The following TRPM3 variants were observed in gnomAD, a reference collection of about 807,000 sequenced individuals.
TRPM3 encodes the protein transient receptor potential cation channel subfamily M member 3, also known as long transient receptor potential channel 3.
In TRPM3, 77 loss-of-function variants were observed where a neutral mutation model predicts 181.2. That is an observed-to-expected ratio of 0.42 (90% CI 0.35 to 0.51). The LOEUF (loss-of-function observed/expected upper bound fraction) is 0.51, where lower values mean the gene tolerates loss of function less well. Ranked by LOEUF, TRPM3 falls within the 20% of genes least tolerant of loss-of-function variation. The pLI, the probability that TRPM3 is intolerant of heterozygous loss-of-function variation, is 0.01. For synonymous variants in TRPM3, 745 were observed against 796.4 expected (o/e 0.94, Z 1.09); for missense variants, 1,759 against 2,196.7 (o/e 0.80, Z 3.98).
chr9:71,257,830 T>G (rs765284502), intron 1 of TRPM3, among the ~76,000 whole-genome samples: 1 of 152,214 alleles, frequency 6.6e-6, no homozygotes, highest in Non-Finnish European at 1.5e-5. Context: ...CCATTATAGC[T>G]GATATTTTGA....
chr9:70,743,872 T>G (rs2074622381), intron 8 of TRPM3, among the ~76,000 whole-genome samples: 1 of 152,182 alleles, frequency 6.6e-6, no homozygotes. Context: ...TTGATTGTAT[T>G]ACTTTCATTA....
chr9:70,653,250 C>G (rs1343116106), intron 9 of TRPM3, among the ~76,000 whole-genome samples: 1 of 151,958 alleles, frequency 6.6e-6, no homozygotes, highest in Non-Finnish European at 1.5e-5. Context: ...TTGGCTGAGG[C>G]TGAATGTTAT....
intron 1 of TRPM3, among the ~76,000 whole-genome samples, chr9:70,952,076 C>T (rs1386254293): frequency 6.6e-6 from 1 of 152,204 alleles, no homozygotes; most frequent in Non-Finnish European, 1.5e-5. Context: ...AAGCACCATT[C>T]TCCTAACCAT....
At chr9:71,246,168 A>G (rs1429984572) in intron 1 of TRPM3, among the ~76,000 whole-genome samples, 1 of 152,228 alleles carries the variant, frequency 6.6e-6, no homozygotes, top group African/African-American at 2.4e-5. Flanking sequence ...AATGGGTACA[A>G]AAGCAATTCA....
At chr9:70,570,580 T>A (rs1159838554) in intron 22 of TRPM3, among the ~76,000 whole-genome samples, 1 of 152,176 alleles carries the variant, frequency 6.6e-6, no homozygotes, top group Admixed American at 6.5e-5. Context: ...AGGATTATGC[T>A]GGGATTACAG....
At chr9:70,753,231 A>G (rs575397894) in intron 8 of TRPM3, among the ~76,000 whole-genome samples, 2 of 151,542 alleles carry the variant, frequency 1.3e-5, no homozygotes, top group Admixed American at 6.6e-5. Context: ...GAGAATTTCT[A>G]TTTATCAAAG....
intron 1 of TRPM3, among the ~76,000 whole-genome samples, chr9:70,998,049 G>A (rs895855045): frequency 6.6e-6 from 1 of 151,360 alleles, no homozygotes; most frequent in Non-Finnish European, 1.5e-5. Flanking sequence ...CTCGGGTTAT[G>A]GGTGTTGCTG....
intron 1 of TRPM3, among the ~76,000 whole-genome samples, chr9:71,010,404 A>G (rs2097723481): frequency 1.3e-5 from 2 of 152,064 alleles, no homozygotes; most frequent in Admixed American, 6.6e-5. Flanking sequence ...AAACAAAAAA[A>G]CAAAACAACA....
At chr9:71,255,285 G>T (rs1024226806) in intron 1 of TRPM3, among the ~76,000 whole-genome samples, 1 of 152,034 alleles carries the variant, frequency 6.6e-6, no homozygotes, top group Non-Finnish European at 1.5e-5. Flanking sequence ...ATGCTAAATG[G>T]TTAGTCAAGA....
At chr9:70,606,445 T>C (rs963747431) in intron 19 of TRPM3, among the ~76,000 whole-genome samples, 1 of 152,168 alleles carries the variant, frequency 6.6e-6, no homozygotes, top group African/African-American at 2.4e-5. Flanking sequence ...AATGAACTTT[T>C]CCCATAGTCA....
intron 1 of TRPM3, among the ~76,000 whole-genome samples, chr9:70,877,975 A>G (rs1272040919): frequency 2.0e-5 from 3 of 151,972 alleles, no homozygotes; most frequent in African/African-American, 7.2e-5. Flanking sequence ...TGTTTGAACA[A>G]TTATTTTTTT....
intron 1 of TRPM3, among the ~76,000 whole-genome samples, chr9:71,066,779 T>C (rs2133446058): frequency 6.6e-6 from 1 of 152,314 alleles, no homozygotes; most frequent in African/African-American, 2.4e-5. Context: ...GACCACCTTT[T>C]CCTATGTGGT....
chr9:70,843,115 T>C lies in TRPM3; in HGVS notation c.689A>G (p.His230Arg), dbSNP rs2094784703. ...ATGATCCTTCAAGGCATCGCCAACA[T>C]GACGAATAACACCTAAAAAAAAAAG... The part of the protein sequence containing the change: ...TGGVNTGVIR[H>R]VGDALKDHAS... The change falls in exon 5 of 26, where the codon CAT (histidine) becomes CGT (arginine). Residue 230 changes from histidine to arginine, a missense_variant. By Grantham distance (29) the His-to-Arg change is conservative (BLOSUM62 0). Coordinates refer to ENST00000677713, the MANE Select transcript of TRPM3 (RefSeq NM_001366145.2). The C allele has an allele frequency of 6.3e-7, 1 of 1,579,842 alleles. No individual in the cohort carries two copies.
chr9:71,234,738 G>GT (rs2081262974), intron 1 of TRPM3, among the ~76,000 whole-genome samples: 1 of 152,172 alleles, frequency 6.6e-6, no homozygotes, highest in African/African-American at 2.4e-5. Flanking sequence ...TTCTGAGGTA[G>GT]TGAAGATTAG....
At chr9:70,869,930 T>C (rs2095753300) in intron 1 of TRPM3, among the ~76,000 whole-genome samples, 1 of 152,160 alleles carries the variant, frequency 6.6e-6, no homozygotes, top group South Asian at 2.1e-4. Flanking sequence ...CTTGATTGGA[T>C]AAGTGAACAA....
intron 1 of TRPM3, among the ~76,000 whole-genome samples, chr9:71,250,833 G>A (rs937016111): frequency 1.3e-5 from 2 of 152,124 alleles, no homozygotes; most frequent in East Asian, 1.9e-4. Context: ...ACAGGACAAC[G>A]AACAAAGGGG....
At chr9:71,358,610 CA>C (rs1478501015) in intron 1 of TRPM3, among the ~76,000 whole-genome samples, 1 of 152,208 alleles carries the variant, frequency 6.6e-6, no homozygotes, top group East Asian at 1.9e-4. Context: ...CAAGATATTT[CA>C]AATTTCAAAC....
In TRPM3 at chr9:70,615,278, G is replaced by A. The variant is rs552175133; in HGVS notation, c.2526+630C>T. ...TGAAGCCTTGTTTGTCCCTTTAACA[G>A]AATGTGATATTTTTAGCCTCTGCAC... On this transcript the variant is annotated intron_variant, in intron 18 of 25. Coordinates refer to ENST00000677713, the MANE Select transcript of TRPM3 (RefSeq NM_001366145.2). Among the ~76,000 whole-genome samples, 57 of 152,330 alleles carry A rather than the reference G, an allele frequency of 3.7e-4. No homozygotes were observed. In the South Asian group the frequency reaches 0.012, roughly 32 times the overall value.
At chr9:71,123,645 T>G (rs1054520587), upstream of TRPM3, among the ~76,000 whole-genome samples, 25 of 152,332 alleles carry the variant, frequency 1.6e-4, no homozygotes, top group African/African-American at 5.3e-4. Context: ...AACTGAATGC[T>G]TCTTGTGAGT....
Sources: allele counts gnomAD v4.1 joint callset (sites outside exome capture counted in the v4.1 genomes callset), GRCh38; gene constraint gnomAD v4.1.1; transcripts MANE v1.5; gene names NCBI Gene and HGNC (gene_info 2026-07-23, HGNC 2026-07-21).